The following FANK1 variants were observed in gnomAD, a reference collection of about 807,000 sequenced individuals.
FANK1 encodes fibronectin type III and ankyrin repeat domains 1.
A neutral mutation model predicts 45.3 loss-of-function variants in FANK1; 44 were observed. That is an observed-to-expected ratio of 0.97 (90% confidence interval 0.76 to 1.25). The LOEUF (loss-of-function observed/expected upper bound fraction) is 1.25, where lower values mean the gene tolerates loss of function less well. FANK1 is among the 50% of genes most tolerant of loss of function. FANK1 has a pLI of 0.00. For missense variants in FANK1, 391 were observed against 424.4 expected, an observed-to-expected ratio of 0.92 and a Z score of 0.69; for synonymous variants, 149 against 152.5, an observed-to-expected ratio of 0.98 and a Z score of 0.17.
intron 1 of FANK1, among the ~76,000 whole-genome samples, chr10:125,926,554 A>G (rs1424410512): frequency 6.6e-6 from 1 of 152,304 alleles, no homozygotes; most frequent in Non-Finnish European, 1.5e-5. Context: ...ACACTGTCTG[A>G]TATTTTGAGA....
intron 1 of FANK1, chr10:125,907,559 T>G: frequency 1.0e-6 from 1 of 975,540 alleles, no homozygotes; most frequent in Non-Finnish European, 1.2e-6. Flanking sequence ...TGTGATGGGT[T>G]GTTACTCCTG....
intron 1 of FANK1, among the ~76,000 whole-genome samples, chr10:125,918,587 T>TAA (rs1564871062): frequency 2.5e-5 from 1 of 39,414 alleles, no homozygotes; most frequent in Non-Finnish European, 4.5e-5. Context: ...AAAAAAAAAA[T>TAA]ATATATATAT....
In FANK1 at chr10:125,984,694, A is replaced by C. The variant is rs115869347; in HGVS notation, c.192-3857A>C. 1.0e-3 allele frequency among the ~76,000 whole-genome samples: 158 copies of C among 152,306 alleles called. 1 individual carries two copies. The highest frequency in any genetic ancestry group is 3.7e-3 in the African/African-American group (152 of 41,562). On this transcript the variant is annotated intron_variant, in intron 2 of 10. Coordinates refer to ENST00000368693, the MANE Select transcript of FANK1 (RefSeq NM_145235.5). The stretch of plus-strand genomic sequence containing the variant: ...CTGGGGGAGGGAGTTTAGAGAAGAA[A>C]GGGAAGTCTGGTAACTGAGTCTTGG...
chr10:125,901,702 C>T (rs1945049715), intron 1 of FANK1, among the ~76,000 whole-genome samples: 2 of 152,246 alleles, frequency 1.3e-5, no homozygotes, highest in South Asian at 4.1e-4. Flanking sequence ...CAATCTTTGC[C>T]TAAATTTCAC....
At chr10:125,916,674 A>AT (rs1946474051) in intron 1 of FANK1, among the ~76,000 whole-genome samples, 1 of 152,216 alleles carries the variant, frequency 6.6e-6, no homozygotes, top group South Asian at 2.1e-4. Context: ...CACATGCTAC[A>AT]CCATGGATGA....
intron 1 of FANK1, among the ~76,000 whole-genome samples, chr10:125,935,665 G>C (rs1308109250): frequency 6.6e-6 from 1 of 152,046 alleles, no homozygotes; most frequent in East Asian, 1.9e-4. Context: ...GCTGACCAAT[G>C]TCACAAATGT....
chr10:125,899,117 A>G (rs1292855024), intron 1 of FANK1, among the ~76,000 whole-genome samples: 2 of 152,162 alleles, frequency 1.3e-5, no homozygotes, highest in Non-Finnish European at 2.9e-5. Context: ...CTGGAGTGCA[A>G]TGATGTGATC....
At chr10:125,979,711 T>G in intron 1 of FANK1, 1 of 360,004 alleles carries the variant, frequency 2.8e-6, no homozygotes, top group East Asian at 7.9e-5. Context: ...GGGCCTTTAT[T>G]CCTGGTTAGT....
chr10:125,955,656 G>A (rs371105633), intron 1 of FANK1, among the ~76,000 whole-genome samples: 12 of 152,112 alleles, frequency 7.9e-5, no homozygotes, highest in Admixed American at 2.0e-4. Context: ...AACTTTTGTC[G>A]CAGCAGATTT....
chr10:125,909,685 ACTTTT>A (rs1945830756), intron 1 of FANK1, among the ~76,000 whole-genome samples: 1 of 126,736 alleles, frequency 7.9e-6, no homozygotes, highest in African/African-American at 3.1e-5. Context: ...TGACCAATTA[ACTTTT>A]TTTTTTTTTT....
intron 6 of FANK1, among the ~76,000 whole-genome samples, chr10:126,002,917 A>G (rs373208576): frequency 1.3e-5 from 2 of 152,022 alleles, no homozygotes; most frequent in Non-Finnish European, 2.9e-5. Flanking sequence ...AGACACTTCA[A>G]CTAATTCCTT....
rs1429934806 is a variant in FANK1 at position 125,969,703 on chromosome 10, A to AG, written c.14-10457dup. 3.3e-5 allele frequency among the ~76,000 whole-genome samples: 5 copies of AG among 152,168 alleles called. No homozygotes were observed. In the East Asian group the frequency reaches 9.7e-4, roughly 29 times the overall value. ...GGATTTGGCAGGGTCATAGGACAATAGTGGAGAGAAGGTCAGCAGATAAAC... is the reference window on the plus strand; with the variant it reads ...GGATTTGGCAGGGTCATAGGACAATAGGTGGAGAGAAGGTCAGCAGATAAAC... On this transcript the variant is annotated intron_variant, in intron 1 of 10. Coordinates refer to ENST00000368693, the MANE Select transcript of FANK1 (RefSeq NM_145235.5).
chr10:125,963,272 A>G (rs1222229737), intron 1 of FANK1, among the ~76,000 whole-genome samples: 10 of 152,202 alleles, frequency 6.6e-5, no homozygotes, highest in Admixed American at 5.9e-4. Flanking sequence ...GTGTGGAGAA[A>G]TATGAACACT....
At chr10:125,979,217 T>C (rs1391135535) in intron 1 of FANK1, among the ~76,000 whole-genome samples, 1 of 152,152 alleles carries the variant, frequency 6.6e-6, no homozygotes, top group Non-Finnish European at 1.5e-5. Context: ...GTCAGGTTGT[T>C]TCCTTGATTA....
chr10:125,985,698 T>C (rs1375750492), intron 2 of FANK1, among the ~76,000 whole-genome samples: 1 of 152,160 alleles, frequency 6.6e-6, no homozygotes, highest in Non-Finnish European at 1.5e-5. Flanking sequence ...GAAACAGGCA[T>C]GTGTTTGCTC....
intron 1 of FANK1, among the ~76,000 whole-genome samples, chr10:125,945,227 C>G (rs1044571251): frequency 1.3e-5 from 2 of 151,996 alleles, no homozygotes; most frequent in Non-Finnish European, 2.9e-5. Context: ...TTAATAAGAA[C>G]AAAACAACTG....
chr10:125,989,506 T>C, intron 3 of FANK1: 1 of 823,160 alleles, frequency 1.2e-6, no homozygotes, highest in Non-Finnish European at 2.1e-6. Flanking sequence ...TTACAAGTTT[T>C]GTGTAGACTA....
chr10:126,006,272 T>C (rs139645113), intron 7 of FANK1, among the ~76,000 whole-genome samples: 17 of 152,358 alleles, frequency 1.1e-4, no homozygotes, highest in African/African-American at 3.6e-4. Flanking sequence ...ACTGCAGTTA[T>C]GGGATCTATC....
chr10:125,946,879 C>A (rs1948839498), intron 1 of FANK1, among the ~76,000 whole-genome samples: 1 of 146,374 alleles, frequency 6.8e-6, no homozygotes, highest in Non-Finnish European at 1.5e-5. Flanking sequence ...TCGGGTTACC[C>A]TCAAAGGGAA....
Sources: gnomAD v4.1 joint callset for allele counts (sites outside exome capture counted in the v4.1 genomes callset) on GRCh38, gnomAD v4.1.1 for gene constraint, MANE v1.5 for transcripts, NCBI Gene and HGNC (gene_info 2026-07-23, HGNC 2026-07-21) for gene names.